The following IMMP2L variants were observed in gnomAD, a reference collection of about 807,000 sequenced individuals.
IMMP2L encodes inner mitochondrial membrane peptidase subunit 2, also known as mitochondrial inner membrane protease subunit 2.
Under a neutral mutation model 19.3 loss-of-function variants are expected in IMMP2L, and 18 were observed. The observed-to-expected ratio is 0.93, with a 90% confidence interval of 0.64 to 1.38. The LOEUF (loss-of-function observed/expected upper bound fraction) is 1.38. Ranked by LOEUF, IMMP2L falls within the 40% of genes most tolerant of loss-of-function variation. The pLI is 0.00. For missense variants in IMMP2L, 233 were observed against 218.2 expected, an observed-to-expected ratio of 1.07 and a Z score of -0.43; for synonymous variants, 76 against 73.0, an observed-to-expected ratio of 1.04 and a Z score of -0.21.
Position 111,234,231 on chromosome 7 carries a change from C to G in IMMP2L, c.239+253007G>C, listed in dbSNP as rs1814036040. On this transcript the variant is annotated intron_variant, in intron 3 of 5. Coordinates refer to ENST00000405709, the MANE Select transcript of IMMP2L (RefSeq NM_032549.4). The stretch of plus-strand genomic sequence containing the variant: ...TTGACAAATATGTGGAGATTTTCTA[C>G]AAGTCTTTCTGTTATAGATACCTAA... Among the ~76,000 whole-genome samples, 5 of 152,166 alleles carry G rather than the reference C, an allele frequency of 3.3e-5. 1 individual carries two copies. Among genetic ancestry groups the G allele is most frequent in the Admixed American group, 2.6e-4 (4 of 15,276 alleles).
At chr7:111,553,062 C>A (rs1790857365) in intron 1 of IMMP2L, among the ~76,000 whole-genome samples, 1 of 152,102 alleles carries the variant, frequency 6.6e-6, no homozygotes, top group African/African-American at 2.4e-5. Flanking sequence ...CTCCAGAGAA[C>A]CAAGCAAGGA....
chr7:110,714,968 G>GTTTCAATTTCTTCCTGT (rs1294098397), intron 5 of IMMP2L, among the ~76,000 whole-genome samples: 3 of 152,024 alleles, frequency 2.0e-5, no homozygotes, highest in African/African-American at 7.2e-5. Flanking sequence ...TCTGTTCAGG[G>GTTTCAATTTCTTCCTGT]TTTCAATTTC....
At chr7:110,807,708 C>T (rs1349529471) in intron 5 of IMMP2L, among the ~76,000 whole-genome samples, 1 of 151,922 alleles carries the variant, frequency 6.6e-6, no homozygotes, top group African/African-American at 2.4e-5. Context: ...TAAATCTATC[C>T]TTTTAAATAC....
chr7:111,444,510 T>G (rs1034724328), intron 3 of IMMP2L, among the ~76,000 whole-genome samples: 1 of 152,202 alleles, frequency 6.6e-6, no homozygotes, highest in African/African-American at 2.4e-5. Flanking sequence ...TTAATATTTA[T>G]AGTGATTATA....
chr7:110,700,940 C>T (rs1244576750), intron 5 of IMMP2L, among the ~76,000 whole-genome samples: 1 of 152,074 alleles, frequency 6.6e-6, no homozygotes, highest in Non-Finnish European at 1.5e-5. Flanking sequence ...TGAATATTTG[C>T]AGTATATTTA....
intron 3 of IMMP2L, among the ~76,000 whole-genome samples, chr7:111,302,434 T>A (rs1300328139): frequency 6.6e-6 from 1 of 152,130 alleles, no homozygotes; most frequent in African/African-American, 2.4e-5. Flanking sequence ...GTGGCATGAA[T>A]AATAATAAGT....
At chr7:110,861,365 A>G (rs1014562420) in intron 5 of IMMP2L, among the ~76,000 whole-genome samples, 5 of 151,836 alleles carry the variant, frequency 3.3e-5, no homozygotes, top group Non-Finnish European at 5.9e-5. Flanking sequence ...TGCATCCTCA[A>G]ACTCCCCAGG....
intron 3 of IMMP2L, among the ~76,000 whole-genome samples, chr7:111,286,634 A>G (rs531578926): frequency 1.8e-4 from 28 of 152,282 alleles, no homozygotes; most frequent in Non-Finnish European, 3.1e-4. Context: ...TCCGAGAAAA[A>G]ACAGGAATAT....
chr7:111,230,077 C>T (rs1034631932), intron 3 of IMMP2L, among the ~76,000 whole-genome samples: 2 of 151,956 alleles, frequency 1.3e-5, no homozygotes, highest in Non-Finnish European at 2.9e-5. Context: ...AAGATCTCTT[C>T]GGATTTCACC....
At chr7:111,322,135 A>C (rs1584617551) in intron 3 of IMMP2L, among the ~76,000 whole-genome samples, 1 of 151,982 alleles carries the variant, frequency 6.6e-6, no homozygotes, top group Non-Finnish European at 1.5e-5. Context: ...ATGTAAGATA[A>C]CAGCTTTGAA....
intron 3 of IMMP2L, among the ~76,000 whole-genome samples, chr7:111,388,633 G>C (rs1029753905): frequency 1.2e-4 from 18 of 152,050 alleles, no homozygotes; most frequent in African/African-American, 4.3e-4. Flanking sequence ...TCAGTATCAT[G>C]GCAGGAAGCG....
At chr7:110,986,338 C>T (rs895529476) in intron 3 of IMMP2L, among the ~76,000 whole-genome samples, 5 of 152,128 alleles carry the variant, frequency 3.3e-5, no homozygotes, top group Non-Finnish European at 5.9e-5. Flanking sequence ...TTGTTCTCAG[C>T]TCTCGTGGTT....
chr7:111,406,565 A>G (rs1320420590), intron 3 of IMMP2L, among the ~76,000 whole-genome samples: 3 of 151,734 alleles, frequency 2.0e-5, no homozygotes, highest in Non-Finnish European at 4.4e-5. Flanking sequence ...GTCACTCCCC[A>G]CATGGTCTTT....
At chr7:111,026,725 T>C (rs2129567969) in intron 3 of IMMP2L, among the ~76,000 whole-genome samples, 1 of 152,248 alleles carries the variant, frequency 6.6e-6, no homozygotes, top group Admixed American at 6.5e-5. Context: ...GAAAGCAACA[T>C]CTTTTTAAAT....
At chr7:111,061,939 C>T (rs1275045587) in intron 3 of IMMP2L, among the ~76,000 whole-genome samples, 1 of 152,170 alleles carries the variant, frequency 6.6e-6, no homozygotes, top group Non-Finnish European at 1.5e-5. Flanking sequence ...AAATATTATT[C>T]CTTCTTTACA....
At chr7:110,754,386 G>A (rs1797917152) in intron 5 of IMMP2L, among the ~76,000 whole-genome samples, 1 of 152,030 alleles carries the variant, frequency 6.6e-6, no homozygotes, top group Non-Finnish European at 1.5e-5. Flanking sequence ...GCCTGTAGAA[G>A]TAGAGTACAG....
intron 5 of IMMP2L, among the ~76,000 whole-genome samples, chr7:110,731,673 C>G (rs572205794): frequency 2.0e-5 from 3 of 152,090 alleles, no homozygotes; most frequent in African/African-American, 4.8e-5. Flanking sequence ...GAAAAAATGC[C>G]ATTAAATATA....
At chr7:111,348,082 G>A (rs1209494785) in intron 3 of IMMP2L, among the ~76,000 whole-genome samples, 1 of 138,392 alleles carries the variant, frequency 7.2e-6, no homozygotes, top group Non-Finnish European at 1.5e-5. Context: ...GGTGGGAACT[G>A]AACAATGAGA....
At chr7:111,092,188 G>T (rs1796943642) in intron 3 of IMMP2L, among the ~76,000 whole-genome samples, 1 of 152,194 alleles carries the variant, frequency 6.6e-6, no homozygotes. Flanking sequence ...CTGGTCTGAA[G>T]GGACAGTGCA....
Sources: gnomAD v4.1 joint callset for allele counts (sites outside exome capture counted in the v4.1 genomes callset) on GRCh38, gnomAD v4.1.1 for gene constraint, MANE v1.5 for transcripts, NCBI Gene and HGNC (gene_info 2026-07-23, HGNC 2026-07-21) for gene names.